SNX2: variants seen among roughly 807,000 people sequenced by gnomAD.
SNX2 encodes sorting nexin 2.
Under a neutral mutation model 69.9 loss-of-function variants are expected in SNX2, and 25 were observed. The observed-to-expected ratio is 0.36, with a 90% CI of 0.26 to 0.50. The LOEUF is 0.50. Ranked by LOEUF, SNX2 falls within the 20% of genes least tolerant of loss-of-function variation. The probability of loss-of-function intolerance (pLI) is 0.97; values close to 1 mark genes in which losing one functional copy is unlikely to be tolerated. For synonymous variants in SNX2, 229 were observed against 200.4 expected (o/e 1.14, Z -1.20); for missense variants, 551 against 613.3 (o/e 0.90, Z 1.07).
At chr5:122,794,840 A>G (rs1294463598) in intron 1 of SNX2, among the ~76,000 whole-genome samples, 2 of 151,846 alleles carry the variant, frequency 1.3e-5, no homozygotes, top group African/African-American at 2.4e-5. Flanking sequence ...ACATGGTGAA[A>G]CCCCATCTCT....
chr5:122,814,745 TAGC>T (rs1046401532), intron 7 of SNX2, among the ~76,000 whole-genome samples: 4 of 142,396 alleles, frequency 2.8e-5, no homozygotes, highest in African/African-American at 1.1e-4. Flanking sequence ...TGGGGAAAGA[TAGC>T]AGGTTTTTTT....
intron 11 of SNX2, among the ~76,000 whole-genome samples, chr5:122,823,252 T>G (rs912648955): frequency 6.6e-6 from 1 of 152,238 alleles, no homozygotes; most frequent in Non-Finnish European, 1.5e-5. Context: ...ATAGCATTGT[T>G]AGAAGTTTGA....
rs117158769 is a variant in SNX2, at chr5:122,797,675, A to G, written c.227-2017A>G. On this transcript the variant is annotated intron_variant, in intron 2 of 14. Coordinates refer to ENST00000379516, the MANE Select transcript of SNX2 (RefSeq NM_003100.4). ...TCCCTCCTATACCAGAGGAGAGAAT[A>G]TAGATATTGCTGTAGTGACATTGAC... Among the ~76,000 whole-genome samples, 3 of 152,288 alleles carry G rather than the reference A, an allele frequency of 2.0e-5. No homozygotes were observed. The East Asian group carries it at 5.8e-4, about 29-fold the overall frequency.
chr5:122,781,044 G>A (rs56007922), intron 1 of SNX2, among the ~76,000 whole-genome samples: 19,063 of 152,226 alleles, frequency 0.13, 1,511 homozygotes, highest in East Asian at 0.36. Flanking sequence ...CGTGATTCAA[G>A]TTGACCACTT....
intron 11 of SNX2, among the ~76,000 whole-genome samples, chr5:122,821,219 C>G (rs969747337): frequency 1.1e-4 from 17 of 152,308 alleles, no homozygotes; most frequent in African/African-American, 4.1e-4. Flanking sequence ...GCCTGCAGAA[C>G]TAAGACCTGT....
At chr5:122,826,776 T>C in intron 12 of SNX2, 3 of 291,090 alleles carry the variant, frequency 1.0e-5, no homozygotes, top group Non-Finnish European at 1.5e-5. Context: ...TTTAGTTGTT[T>C]CATTGTTCAC....
intron 1 of SNX2, among the ~76,000 whole-genome samples, chr5:122,776,609 C>T (rs1581619742): frequency 6.6e-6 from 1 of 152,246 alleles, no homozygotes; most frequent in African/African-American, 2.4e-5. Context: ...ATCCTTTTAG[C>T]CCTTTCTACT....
chr5:122,825,626 T>G (rs1483499418), intron 11 of SNX2, among the ~76,000 whole-genome samples: 3 of 152,094 alleles, frequency 2.0e-5, no homozygotes, highest in Non-Finnish European at 2.9e-5. Flanking sequence ...TTTTTCCCAT[T>G]TTGTCTTTTC....
chr5:122,805,479 A>C (rs1354132619), intron 6 of SNX2, among the ~76,000 whole-genome samples: 1 of 152,104 alleles, frequency 6.6e-6, no homozygotes, highest in African/African-American at 2.4e-5. Context: ...TTAGGTTTAT[A>C]AAGCAATGTT....
intron 6 of SNX2, 38 bp downstream of exon 6, chr5:122,803,651 G>C (rs561944728): frequency 6.5e-7 from 1 of 1,526,960 alleles, no homozygotes; most frequent in Non-Finnish European, 8.9e-7. Context: ...TTTTGTTACT[G>C]TTACTAGTTC....
intron 11 of SNX2, among the ~76,000 whole-genome samples, chr5:122,823,337 G>A (rs907064942): frequency 2.4e-5 from 3 of 125,440 alleles, no homozygotes; most frequent in African/African-American, 1.0e-4. Flanking sequence ...AAGTTAATTT[G>A]TATATTTAAG....
At position 122,826,086 on chromosome 5, in the gene SNX2, T is replaced by C; in HGVS notation, c.1249T>C (p.Trp417Arg). Residue 417 changes from tryptophan (W) to arginine (R), a missense_variant, in exon 12 of 15, where the codon TGG becomes CGG. By Grantham distance (101) the Trp-to-Arg change is moderately radical (BLOSUM62 -3). Transcript: ENST00000379516. ...CCATCGAATGAAGTGCTGGCAGAAA[T>C]GGGAAGATGCTCAAATTACTTTGCT... ...FDHRMKCWQKWEDAQITLLKK... is the reference protein window; with the variant it reads ...FDHRMKCWQKREDAQITLLKK... The C allele has an allele frequency of 6.2e-7, 1 of 1,613,162 alleles. No individual in the cohort carries two copies. Among genetic ancestry groups the C allele is most frequent in the Non-Finnish European group, 8.5e-7 (1 of 1,179,392 alleles).
chr5:122,825,981 C>G, intron 11 of SNX2, 69 bp from the exon 12 acceptor site: 1 of 1,420,234 alleles, frequency 7.0e-7, no homozygotes, highest in Non-Finnish European at 9.6e-7. Flanking sequence ...AGTATTATAA[C>G]ACTTCTAGTG....
rs1486657279 is a variant in SNX2 at position 122,832,118 on chromosome 5, TTTG to T, written c.*2473_*2475del. Among the ~76,000 whole-genome samples, 1 of 152,138 alleles carries T rather than the reference TTTG, an allele frequency of 6.6e-6. No homozygotes were observed. Among genetic ancestry groups the T allele is most frequent in the Admixed American group, 6.5e-5 (1 of 15,278 alleles). On this transcript the variant is annotated 3_prime_UTR_variant, in exon 15 of 15. Transcript: ENST00000379516. ...TCATTGGATAGGTCTGAGTTTAGCG[TTTG>T]TTTGTTTTCTTAATGAGATCAAAAG... is the stretch of plus-strand genomic sequence containing the variant.
intron 8 of SNX2, among the ~76,000 whole-genome samples, 154 bp downstream of exon 8, chr5:122,816,125 A>AT (rs1753896259): frequency 6.6e-6 from 1 of 152,174 alleles, no homozygotes; most frequent in African/African-American, 2.4e-5. Context: ...ACCCTGCTAA[A>AT]TTAGTAGCAA....
chr5:122,789,705 A>T (rs1228671378), intron 1 of SNX2, among the ~76,000 whole-genome samples: 1 of 152,184 alleles, frequency 6.6e-6, no homozygotes, highest in African/African-American at 2.4e-5. Context: ...GGCCATAAAG[A>T]TGAGATTTCT....
chr5:122,792,156 T>G (rs1753256082), intron 1 of SNX2, among the ~76,000 whole-genome samples: 1 of 152,372 alleles, frequency 6.6e-6, no homozygotes, highest in East Asian at 1.9e-4. Context: ...AAAGAAAGCC[T>G]CTTTAAATTT....
intron 2 of SNX2, among the ~76,000 whole-genome samples, chr5:122,796,423 T>G (rs1197208958): frequency 6.6e-6 from 1 of 152,116 alleles, no homozygotes; most frequent in Non-Finnish European, 1.5e-5. Flanking sequence ...TTCACATATT[T>G]TATTATGTCA....
intron 6 of SNX2, among the ~76,000 whole-genome samples, chr5:122,805,711 G>T (rs556962805): frequency 6.6e-6 from 1 of 152,222 alleles, no homozygotes; most frequent in Admixed American, 6.5e-5. Context: ...TCAATCCAAA[G>T]TGTTGAAATT....
Sources: allele counts gnomAD v4.1 joint callset (sites outside exome capture counted in the v4.1 genomes callset), GRCh38; gene constraint gnomAD v4.1.1; transcripts MANE v1.5; gene names NCBI Gene and HGNC (gene_info 2026-07-23, HGNC 2026-07-21).